ADAM32: variants seen among roughly 807,000 people sequenced by gnomAD.
ADAM32 encodes the protein disintegrin and metalloproteinase domain-containing protein 32.
In ADAM32, 89 loss-of-function variants were observed where a neutral mutation model predicts 114.9. The observed-to-expected ratio is 0.77, with a 90% CI of 0.65 to 0.92. ADAM32 has a LOEUF of 0.92. Among genes scored for constraint, ADAM32 ranks in the 40% least tolerant of loss-of-function variants. The probability of loss-of-function intolerance (pLI) is 0.00; values close to 1 mark genes in which losing one functional copy is unlikely to be tolerated. For missense variants in ADAM32, 870 were observed against 932.8 expected (o/e 0.93, Z 0.88); for synonymous variants, 285 against 307.5 (o/e 0.93, Z 0.77).
chr8:39,254,591 T>G, intron 18 of ADAM32, 75 bp downstream of exon 18: 1 of 1,180,246 alleles, frequency 8.5e-7, no homozygotes, highest in East Asian at 2.9e-5. Flanking sequence ...CAAAGTTCGA[T>G]TTTTCCACTT....
intron 17 of ADAM32, among the ~76,000 whole-genome samples, chr8:39,253,341 C>T (rs574199157): frequency 4.6e-5 from 7 of 151,690 alleles, no homozygotes; most frequent in Non-Finnish European, 7.4e-5. Context: ...AAATAATGAA[C>T]GCCTTTACTT....
intron 22 of ADAM32, among the ~76,000 whole-genome samples, chr8:39,280,383 G>A (rs942753140): frequency 6.6e-6 from 1 of 152,128 alleles, no homozygotes. Context: ...TAATAGAAAG[G>A]ATAAGTTTTA....
chr8:39,135,425 C>G (rs996317445), intron 2 of ADAM32, among the ~76,000 whole-genome samples: 15 of 152,084 alleles, frequency 9.9e-5, no homozygotes, highest in African/African-American at 3.1e-4. Context: ...TTTAGATATA[C>G]AGAAAAATTG....
Position 39,215,947 on chromosome 8 carries a change from G to T in ADAM32, c.1233+4623G>T, listed in dbSNP as rs540929718. 5.3e-5 allele frequency among the ~76,000 whole-genome samples: 8 copies of T among 151,896 alleles called. 1 individual carries two copies. In the South Asian group the frequency reaches 1.0e-3, roughly 20 times the overall value. On this transcript the variant is annotated intron_variant, in intron 12 of 24. Transcript: ENST00000379907. ...AGATTAAGTTTGATGTTTCTTTATT[G>T]ATTTTATTGATTTTCTGTCTGGAAG...
chr8:39,266,513 C>T (rs1812367265), intron 19 of ADAM32, among the ~76,000 whole-genome samples: 1 of 152,104 alleles, frequency 6.6e-6, no homozygotes, highest in South Asian at 2.1e-4. Context: ...CCCAGAAGTT[C>T]AGTTTATTTT....
chr8:39,249,924 C>T (rs1406858035), intron 17 of ADAM32, among the ~76,000 whole-genome samples: 1 of 152,056 alleles, frequency 6.6e-6, no homozygotes, highest in Non-Finnish European at 1.5e-5. Flanking sequence ...TGCATGGTTG[C>T]TGAAGAGAAG....
At chr8:39,125,247 G>T (rs1415472116) in intron 2 of ADAM32, among the ~76,000 whole-genome samples, 1 of 151,940 alleles carries the variant, frequency 6.6e-6, no homozygotes, top group Non-Finnish European at 1.5e-5. Flanking sequence ...CTGGATATTT[G>T]TTGTTTGTCA....
At chr8:39,137,763 A>G (rs1802891831) in intron 3 of ADAM32, among the ~76,000 whole-genome samples, 1 of 90,672 alleles carries the variant, frequency 1.1e-5, no homozygotes. Context: ...AGAGTGAGAC[A>G]CTGTCTCAAA....
chr8:39,118,051 A>C, intron 1 of ADAM32, 35 bp from the exon 2 acceptor site: 1 of 1,276,364 alleles, frequency 7.8e-7, no homozygotes, highest in Non-Finnish European at 1.1e-6. Context: ...AATTAAGGCA[A>C]GGTTACTAAC....
chr8:39,193,480 A>G (rs1806738569), intron 11 of ADAM32, among the ~76,000 whole-genome samples: 1 of 152,102 alleles, frequency 6.6e-6, no homozygotes, highest in Admixed American at 6.5e-5. Context: ...TCCTATCTAT[A>G]TTCTGAATTC....
chr8:39,199,231 C>A (rs1807215372), intron 11 of ADAM32, among the ~76,000 whole-genome samples: 1 of 152,142 alleles, frequency 6.6e-6, no homozygotes, highest in Non-Finnish European at 1.5e-5. Context: ...CTTTAGTTAC[C>A]TGTATCTTGA....
At chr8:39,112,793 C>G (rs896537633) in intron 1 of ADAM32, among the ~76,000 whole-genome samples, 6 of 152,152 alleles carry the variant, frequency 3.9e-5, no homozygotes, top group Non-Finnish European at 7.4e-5. Context: ...GAGAGTTTAG[C>G]TATGGGACTA....
At chr8:39,214,168 G>A (rs1416551986) in intron 12 of ADAM32, among the ~76,000 whole-genome samples, 1 of 152,004 alleles carries the variant, frequency 6.6e-6, no homozygotes, top group Non-Finnish European at 1.5e-5. Context: ...ATATCTCTTC[G>A]ACGTAATGAT....
chr8:39,222,784 A>G (rs1170924606), intron 13 of ADAM32, among the ~76,000 whole-genome samples: 1 of 152,138 alleles, frequency 6.6e-6, no homozygotes, highest in African/African-American at 2.4e-5. Context: ...CATTGAGACT[A>G]CAAATAAAAC....
At chr8:39,192,862 TGG>T (rs1321558841) in intron 11 of ADAM32, among the ~76,000 whole-genome samples, 1 of 152,218 alleles carries the variant, frequency 6.6e-6, no homozygotes, top group Admixed American at 6.6e-5. Context: ...TTCTGGCTTG[TGG>T]GGTTTCTGCT....
chr8:39,205,171 T>TA (rs1807733709), intron 11 of ADAM32, among the ~76,000 whole-genome samples: 1 of 152,224 alleles, frequency 6.6e-6, no homozygotes, highest in East Asian at 1.9e-4. Flanking sequence ...CAGGGACATT[T>TA]AAGTCTGCAG....
At chr8:39,208,734 G>T (rs561096670) in intron 11 of ADAM32, among the ~76,000 whole-genome samples, 2 of 152,236 alleles carry the variant, frequency 1.3e-5, no homozygotes, top group East Asian at 3.9e-4. Flanking sequence ...TGGTCTTTAA[G>T]GTTTCCATAG....
chr8:39,200,684 A>G (rs537652211), intron 11 of ADAM32, among the ~76,000 whole-genome samples: 6 of 152,356 alleles, frequency 3.9e-5, no homozygotes, highest in Admixed American at 3.9e-4. Flanking sequence ...TGTTTTAGAC[A>G]TGAAGTCCTT....
intron 14 of ADAM32, among the ~76,000 whole-genome samples, chr8:39,230,084 A>G (rs149703944): frequency 3.9e-4 from 59 of 152,298 alleles, no homozygotes; most frequent in African/African-American, 1.3e-3. Context: ...CCACTATTTT[A>G]ATGCACGTCA....
Sources: gnomAD v4.1 joint callset for allele counts (sites outside exome capture counted in the v4.1 genomes callset) on GRCh38, gnomAD v4.1.1 for gene constraint, MANE v1.5 for transcripts, NCBI Gene and HGNC (gene_info 2026-07-23, HGNC 2026-07-21) for gene names.